BICD1: variants seen among roughly 807,000 people sequenced by gnomAD.
BICD1 encodes protein bicaudal D homolog 1.
A neutral mutation model predicts 92.5 loss-of-function variants in BICD1; 35 were observed. The ratio of observed to expected loss-of-function variants is 0.38; its 90% CI spans 0.29 to 0.50. The LOEUF (loss-of-function observed/expected upper bound fraction) is 0.50, where lower values mean the gene tolerates loss of function less well. Among genes scored for constraint, BICD1 ranks in the 20% least tolerant of loss-of-function variants. BICD1 has a pLI of 0.93. For missense variants in BICD1, 950 were observed against 1,189.8 expected (o/e 0.80, Z 2.97); for synonymous variants, 429 against 465.1 (o/e 0.92, Z 1.00).
At position 32,111,003 on chromosome 12, in the gene BICD1, T is replaced by G. The variant is rs537173959; in HGVS notation, c.213+3459T>G. On this transcript the variant is annotated intron_variant, in intron 1 of 9. Transcript: ENST00000652176. The stretch of plus-strand genomic sequence containing the variant: ...AAAGTATAATAATAAAAAAAAAGAG[T>G]TTTTTTTTAACTTAAAAATGGTTGA... 6.3e-4 allele frequency among the ~76,000 whole-genome samples: 94 copies of G among 149,832 alleles called. 1 individual carries two copies. Among genetic ancestry groups the G allele is most frequent in the African/African-American group, 2.2e-3 (87 of 40,350 alleles).
intron 4 of BICD1, among the ~76,000 whole-genome samples, chr12:32,319,888 T>C (rs1341536080): frequency 6.6e-6 from 1 of 152,194 alleles, no homozygotes; most frequent in African/African-American, 2.4e-5. Context: ...TCATAAGAGT[T>C]GGGAAGGGCC....
chr12:32,314,439 T>C (rs1405685364), intron 4 of BICD1, among the ~76,000 whole-genome samples: 1 of 152,202 alleles, frequency 6.6e-6, no homozygotes, highest in Non-Finnish European at 1.5e-5. Context: ...TAACACTTGT[T>C]ATTATGTGCC....
At chr12:32,234,854 T>C (rs1051497631) in intron 2 of BICD1, among the ~76,000 whole-genome samples, 12 of 151,750 alleles carry the variant, frequency 7.9e-5, no homozygotes, top group African/African-American at 2.9e-4. Flanking sequence ...CTGAATAATT[T>C]TTATATTTTT....
chr12:32,303,079 T>G (rs10771932), intron 3 of BICD1, among the ~76,000 whole-genome samples: 25,268 of 151,366 alleles, frequency 0.17, 2,698 homozygotes, highest in African/African-American at 0.29. Flanking sequence ...GGACTATAGG[T>G]GCACGCCACC....
intron 3 of BICD1, among the ~76,000 whole-genome samples, chr12:32,295,349 G>GTGCT (rs1443598010): frequency 6.6e-6 from 1 of 152,068 alleles, no homozygotes; most frequent in Non-Finnish European, 1.5e-5. Flanking sequence ...TCTTTTCAAG[G>GTGCT]TGCTTCCTCA....
At chr12:32,114,234 C>T (rs777747439) in intron 1 of BICD1, among the ~76,000 whole-genome samples, 4 of 152,124 alleles carry the variant, frequency 2.6e-5, no homozygotes, top group Non-Finnish European at 5.9e-5. Context: ...TCTGAAATTC[C>T]TGAGCTCGAG....
chr12:32,370,638 C>T (rs1291571922), intron 9 of BICD1, among the ~76,000 whole-genome samples: 1 of 152,154 alleles, frequency 6.6e-6, no homozygotes, highest in Non-Finnish European at 1.5e-5. Flanking sequence ...CTTCTAATAC[C>T]CACTGGTTGT....
intron 1 of BICD1, among the ~76,000 whole-genome samples, chr12:32,200,463 A>G (rs1944874634): frequency 6.6e-6 from 1 of 152,194 alleles, no homozygotes; most frequent in Admixed American, 6.5e-5. Context: ...CAAAGCTTTC[A>G]TATTATTTTA....
At chr12:32,117,735 CATATATAT>C (rs71064997) in intron 1 of BICD1, among the ~76,000 whole-genome samples, 16 of 134,518 alleles carry the variant, frequency 1.2e-4, no homozygotes, top group African/African-American at 4.2e-4. Context: ...CACACACACA[CATATATAT>C]ATATATATAT....
chr12:32,240,955 C>T (rs138805811), intron 2 of BICD1, among the ~76,000 whole-genome samples: 8 of 152,206 alleles, frequency 5.3e-5, no homozygotes, highest in African/African-American at 1.9e-4. Flanking sequence ...GCGATGTACT[C>T]ACCCATTCAT....
intron 2 of BICD1, among the ~76,000 whole-genome samples, chr12:32,293,659 G>T (rs1947782887): frequency 6.6e-6 from 1 of 152,018 alleles, no homozygotes; most frequent in African/African-American, 2.4e-5. Flanking sequence ...ATTTTATAAT[G>T]TTCCGTTCAA....
intron 1 of BICD1, among the ~76,000 whole-genome samples, chr12:32,117,711 T>TATACACACAC (rs1555126355): frequency 4.3e-5 from 5 of 117,040 alleles, no homozygotes; most frequent in East Asian, 2.8e-4. Context: ...CAAATATATA[T>TATACACACAC]ACACACACAC....
chr12:32,322,994 A>G (rs1010333235), intron 4 of BICD1, among the ~76,000 whole-genome samples: 57 of 152,236 alleles, frequency 3.7e-4, no homozygotes, highest in African/African-American at 1.1e-3. Context: ...TTCAAAGGAA[A>G]AAAGGAAAAC....
chr12:32,114,265 C>T (rs774380904), intron 1 of BICD1, among the ~76,000 whole-genome samples: 4 of 152,304 alleles, frequency 2.6e-5, no homozygotes, highest in East Asian at 1.9e-4. Context: ...GCCTTGCCCT[C>T]GTAAAGTGTG....
chr12:32,142,547 TTA>T (rs1161736345), intron 1 of BICD1, among the ~76,000 whole-genome samples: 1 of 149,156 alleles, frequency 6.7e-6, no homozygotes, highest in African/African-American at 2.5e-5. Context: ...TAAAAATGCT[TTA>T]TTGTTATTTA....
chr12:32,223,118 C>G (rs759319406), intron 2 of BICD1, among the ~76,000 whole-genome samples: 3 of 152,242 alleles, frequency 2.0e-5, no homozygotes, highest in Non-Finnish European at 4.4e-5. Flanking sequence ...TCACCTTGCA[C>G]TTTATGTTAT....
intron 2 of BICD1, among the ~76,000 whole-genome samples, chr12:32,284,456 C>G (rs565320143): frequency 2.0e-4 from 31 of 152,202 alleles, no homozygotes; most frequent in Middle Eastern, 3.4e-3. Context: ...TCTTTGTTTT[C>G]TTGTATTATC....
At chr12:32,112,369 C>A (rs1192873318) in intron 1 of BICD1, among the ~76,000 whole-genome samples, 1 of 152,180 alleles carries the variant, frequency 6.6e-6, no homozygotes, top group Non-Finnish European at 1.5e-5. Flanking sequence ...TATAACTTAG[C>A]AAGAATTTAT....
At chr12:32,234,663 T>C (rs553886941) in intron 2 of BICD1, among the ~76,000 whole-genome samples, 3 of 148,260 alleles carry the variant, frequency 2.0e-5, no homozygotes, top group South Asian at 2.1e-4. Flanking sequence ...ACCACTTTTT[T>C]TTTCTTTCTT....
Sources: gnomAD v4.1 joint callset for allele counts (sites outside exome capture counted in the v4.1 genomes callset) on GRCh38, gnomAD v4.1.1 for gene constraint, MANE v1.5 for transcripts, NCBI Gene and HGNC (gene_info 2026-07-23, HGNC 2026-07-21) for gene names.